The following FYB1 variants were observed in gnomAD, a reference collection of about 807,000 sequenced individuals.
The protein encoded by FYB1 is FYN binding protein 1.
In FYB1, 41 loss-of-function variants were observed where a neutral mutation model predicts 94.1. The observed-to-expected ratio is 0.44, with a 90% confidence interval of 0.34 to 0.57. FYB1 has a LOEUF of 0.57. Among genes scored for constraint, FYB1 ranks in the 20% least tolerant of loss-of-function variants. FYB1 has a pLI of 0.02. For synonymous variants in FYB1, 367 were observed against 353.2 expected (o/e 1.04, Z -0.44); for missense variants, 1,050 against 976.8 (o/e 1.07, Z -1.00).
At chr5:39,177,046 A>T (rs1489818906) in intron 2 of FYB1, among the ~76,000 whole-genome samples, 1 of 152,236 alleles carries the variant, frequency 6.6e-6, no homozygotes, top group African/African-American at 2.4e-5. Flanking sequence ...CTGACTTTGA[A>T]AGATGTAGAC....
intron 2 of FYB1, among the ~76,000 whole-genome samples, chr5:39,184,661 T>A (rs1746580188): frequency 6.6e-6 from 1 of 152,204 alleles, no homozygotes; most frequent in African/African-American, 2.4e-5. Context: ...TTAATATTCT[T>A]TGTTGAATCA....
chr5:39,222,825 G>A (rs1750325650), upstream of FYB1, among the ~76,000 whole-genome samples: 6 of 152,046 alleles, frequency 3.9e-5, no homozygotes, highest in Middle Eastern at 3.4e-3. Flanking sequence ...GAAAATTTGT[G>A]CAGTAATATT....
chr5:39,244,479 A>G (rs1435891250), intron 1 of FYB1, among the ~76,000 whole-genome samples: 1 of 152,128 alleles, frequency 6.6e-6, no homozygotes, highest in Non-Finnish European at 1.5e-5. Flanking sequence ...CTTGCATCCC[A>G]GGGATGAAGG....
At chr5:39,147,044 A>G (rs1742720559) in intron 3 of FYB1, among the ~76,000 whole-genome samples, 1 of 152,178 alleles carries the variant, frequency 6.6e-6, no homozygotes. Context: ...AGCCCAAGTC[A>G]TAAGAAACTG....
chr5:39,133,811 T>C (rs1279883765), intron 9 of FYB1, among the ~76,000 whole-genome samples: 4 of 152,070 alleles, frequency 2.6e-5, no homozygotes, highest in Non-Finnish European at 4.4e-5. Context: ...TTTCAAAAAA[T>C]AACAACAAAT....
intron 3 of FYB1, among the ~76,000 whole-genome samples, chr5:39,144,999 T>A (rs987827494): frequency 1.3e-5 from 2 of 152,164 alleles, no homozygotes; most frequent in African/African-American, 4.8e-5. Flanking sequence ...TATTTATAGA[T>A]GAAATTATAT....
chr5:39,243,077 C>T (rs185542), intron 1 of FYB1, among the ~76,000 whole-genome samples: 99,806 of 151,936 alleles, frequency 0.66, 36,784 homozygotes, highest in Non-Finnish European at 0.83. Flanking sequence ...ATATGTTCTC[C>T]CATTCTGTAG....
At chr5:39,118,742 A>G in intron 16 of FYB1, 132 bp downstream of exon 16, 2 of 512,256 alleles carry the variant, frequency 3.9e-6, no homozygotes, top group Non-Finnish European at 6.6e-6. Context: ...AACGTTTGCC[A>G]CAATTTACAA....
At chr5:39,203,402 TA>T (rs1748556478) in intron 1 of FYB1, among the ~76,000 whole-genome samples, 1 of 152,186 alleles carries the variant, frequency 6.6e-6, no homozygotes. Context: ...AAACTACCTT[TA>T]AAAAATGAAA....
At chr5:39,260,451 C>T (rs2111615055) in intron 1 of FYB1, among the ~76,000 whole-genome samples, 1 of 152,166 alleles carries the variant, frequency 6.6e-6, no homozygotes, top group East Asian at 1.9e-4. Flanking sequence ...TTCTTAGCCT[C>T]CTGTTTTAAA....
rs149272486 is a variant in FYB1, at chr5:39,160,822, C to T, written c.1136-7218G>A. On this transcript the variant is annotated intron_variant, in intron 2 of 18. Coordinates refer to ENST00000512982, the MANE Select transcript of FYB1 (RefSeq NM_001465.6). Reference sequence around the variant, plus strand: ...ACAGTTGTGTTCTGTATGGGATAGGCGCTTTAAAGATCGATAGGACATGTT... The same window carrying T: ...ACAGTTGTGTTCTGTATGGGATAGGTGCTTTAAAGATCGATAGGACATGTT... Among the ~76,000 whole-genome samples, 987 of 152,276 alleles carry T rather than the reference C, an allele frequency of 6.5e-3. 11 individuals are homozygous for T. Among genetic ancestry groups the T allele is most frequent in the African/African-American group, 0.023 (945 of 41,550 alleles).
intron 2 of FYB1, among the ~76,000 whole-genome samples, chr5:39,163,454 GA>G (rs1272084923): frequency 6.6e-6 from 1 of 152,110 alleles, no homozygotes; most frequent in Non-Finnish European, 1.5e-5. Flanking sequence ...TCAATGAGAG[GA>G]AAATAAGTAC....
At chr5:39,173,338 T>C (rs1275749071) in intron 2 of FYB1, among the ~76,000 whole-genome samples, 1 of 152,228 alleles carries the variant, frequency 6.6e-6, no homozygotes, top group Non-Finnish European at 1.5e-5. Flanking sequence ...ATTCTGGATA[T>C]TAGACCTTTG....
Position 39,124,268 on chromosome 5 carries a change from G to T in FYB1, c.2056C>A (p.Pro686Thr). ...TATTACTTACCCAATTGTTTAGGAG[G>T]AGCAGGGAAACTACAAAGAAAGTGA... ...DNNEGSSFPAPPKQLDMGDEV... is the reference protein window; with the variant it reads ...DNNEGSSFPATPKQLDMGDEV... Residue 686 changes from proline (P) to threonine (T), a missense_variant, in exon 13 of 19, where the codon CCT (proline) becomes ACT (threonine). By Grantham distance (38) the Pro-to-Thr change is conservative (BLOSUM62 -1). Coordinates refer to ENST00000512982, the MANE Select transcript of FYB1 (RefSeq NM_001465.6). 6.4e-7 allele frequency: 1 copy of T among 1,555,318 alleles called. No individual in the cohort carries two copies.
intron 16 of FYB1, among the ~76,000 whole-genome samples, chr5:39,114,419 C>A (rs551533485): frequency 1.3e-5 from 2 of 152,142 alleles, no homozygotes; most frequent in African/African-American, 4.8e-5. Flanking sequence ...TGTCCCACTG[C>A]GTAATGGTAA....
chr5:39,155,105 C>CAAAAAA (rs890554522), intron 2 of FYB1, among the ~76,000 whole-genome samples: 2 of 151,828 alleles, frequency 1.3e-5, no homozygotes, highest in African/African-American at 2.4e-5. Flanking sequence ...TTACAAACTT[C>CAAAAAA]AAAAAAAATA....
intron 9 of FYB1, 119 bp downstream of exon 9, chr5:39,134,089 T>G: frequency 1.5e-6 from 1 of 657,022 alleles, no homozygotes; most frequent in Non-Finnish European, 2.5e-6. Context: ...TAAGTGGTCA[T>G]TTAGTTTAGT....
chr5:39,117,116 G>A (rs1172990923), intron 16 of FYB1, among the ~76,000 whole-genome samples: 4 of 152,114 alleles, frequency 2.6e-5, no homozygotes, highest in Non-Finnish European at 5.9e-5. Context: ...GTAGAGGGCA[G>A]AAAATACATC....
At chr5:39,218,815 C>G (rs893657183) in intron 1 of FYB1, among the ~76,000 whole-genome samples, 2 of 152,178 alleles carry the variant, frequency 1.3e-5, no homozygotes, top group African/African-American at 4.8e-5. Context: ...ACAAGACAGC[C>G]AAAGGCTCCG....
Sources: allele counts gnomAD v4.1 joint callset (sites outside exome capture counted in the v4.1 genomes callset), GRCh38; gene constraint gnomAD v4.1.1; transcripts MANE v1.5; gene names NCBI Gene and HGNC (gene_info 2026-07-23, HGNC 2026-07-21).